ADAMTS18: variants seen among roughly 807,000 people sequenced by gnomAD.
ADAMTS18 encodes A disintegrin and metalloproteinase with thrombospondin motifs 18.
ADAMTS18 carries 157 observed loss-of-function variants against 165.9 expected under a neutral mutation model. That is an observed-to-expected ratio of 0.95 (90% CI 0.83 to 1.08). The LOEUF is 1.08. ADAMTS18 is among the 50% of genes least tolerant of loss of function. The pLI is 0.00. For synonymous variants in ADAMTS18, 782 were observed against 578.2 expected (o/e 1.35, Z -5.06); for missense variants, 2,040 against 1,534.0 (o/e 1.33, Z -5.51).
intron 3 of ADAMTS18, among the ~76,000 whole-genome samples, chr16:77,373,609 G>A (rs535010835): frequency 3.6e-4 from 55 of 152,086 alleles, no homozygotes; most frequent in African/African-American, 9.6e-4. Context: ...AATTGGGTGC[G>A]GTGTATACTG....
intron 16 of ADAMTS18, among the ~76,000 whole-genome samples, chr16:77,306,375 A>G (rs2055682070): frequency 6.6e-6 from 1 of 152,224 alleles, no homozygotes; most frequent in Non-Finnish European, 1.5e-5. Flanking sequence ...GAATCTACCA[A>G]CAACTCTCTG....
chr16:77,407,511 A>G (rs1029190714), intron 3 of ADAMTS18, among the ~76,000 whole-genome samples: 3 of 152,160 alleles, frequency 2.0e-5, no homozygotes, highest in South Asian at 4.1e-4. Context: ...AAAAGTACAA[A>G]GATGAGGGAC....
chr16:77,364,033 A>G, intron 5 of ADAMTS18, 148 bp from the exon 6 acceptor site: 1 of 1,290,144 alleles, frequency 7.8e-7, no homozygotes, highest in Non-Finnish European at 1.1e-6. Context: ...TCAACTTAAA[A>G]AAATAAAACC....
rs539470229 is a variant in ADAMTS18, at chr16:77,289,633, C to A, written c.3403-222G>T. Among the ~76,000 whole-genome samples the A allele has an allele frequency of 3.0e-4, 46 of 152,258 alleles. No individual in the cohort carries two copies. The South Asian group carries it at 9.3e-3, about 31-fold the overall frequency. Reference sequence around the variant, plus strand: ...TTTAGGCAAATGCTATCTATCTAGCCCAAGAGTGTGTGTCTCCCAGTTAAG... The same window carrying A: ...TTTAGGCAAATGCTATCTATCTAGCACAAGAGTGTGTGTCTCCCAGTTAAG... On this transcript the variant is annotated intron_variant, in intron 21 of 22. Transcript: ENST00000282849.
intron 3 of ADAMTS18, among the ~76,000 whole-genome samples, chr16:77,377,108 T>G (rs6564437): frequency 6.6e-6 from 1 of 151,956 alleles, no homozygotes; most frequent in African/African-American, 2.4e-5. Context: ...AGCCACCTCA[T>G]CCGGCCTCAA....
chr16:77,385,294 G>A lies in ADAMTS18; in HGVS notation c.496-17571C>T, dbSNP rs145495928. On this transcript the variant is annotated intron_variant, in intron 3 of 22. Transcript: ENST00000282849. ...CTATTTAAATTATCATTATCCAAATGTATTTGGTTTCTAAGTTTGGATAGT... is the reference window on the plus strand; with the variant it reads ...CTATTTAAATTATCATTATCCAAATATATTTGGTTTCTAAGTTTGGATAGT... Among the ~76,000 whole-genome samples the A allele has an allele frequency of 2.0e-3, 303 of 152,264 alleles. 2 individuals are homozygous for A. Among genetic ancestry groups the A allele is most frequent in the African/African-American group, 6.1e-3 (252 of 41,554 alleles).
chr16:77,338,444 C>T (rs1192576352), intron 11 of ADAMTS18, among the ~76,000 whole-genome samples: 1 of 151,746 alleles, frequency 6.6e-6, no homozygotes, highest in Non-Finnish European at 1.5e-5. Context: ...ACCATGTTGA[C>T]CAGTGTAGTC....
At chr16:77,358,073 C>T (rs551607463) in intron 8 of ADAMTS18, among the ~76,000 whole-genome samples, 5 of 152,274 alleles carry the variant, frequency 3.3e-5, no homozygotes, top group African/African-American at 1.2e-4. Flanking sequence ...ATTTTGTTTC[C>T]TGCTTTGTAT....
intron 12 of ADAMTS18, among the ~76,000 whole-genome samples, chr16:77,332,203 C>A (rs147069613): frequency 6.6e-6 from 1 of 152,156 alleles, no homozygotes; most frequent in Admixed American, 6.5e-5. Context: ...ATGTTCTCAT[C>A]CTCTGCACTA....
At chr16:77,300,673 C>A (rs927423325) in intron 16 of ADAMTS18, among the ~76,000 whole-genome samples, 1 of 151,978 alleles carries the variant, frequency 6.6e-6, no homozygotes, top group Non-Finnish European at 1.5e-5. Flanking sequence ...AACGTATACA[C>A]AAACACATAC....
chr16:77,419,471 C>T (rs1007688790), intron 3 of ADAMTS18, among the ~76,000 whole-genome samples: 1 of 152,192 alleles, frequency 6.6e-6, no homozygotes, highest in South Asian at 2.1e-4. Context: ...GAGAATTTCT[C>T]ATATGCTAAA....
chr16:77,362,524 T>C (rs140402685), intron 6 of ADAMTS18, among the ~76,000 whole-genome samples: 2 of 152,320 alleles, frequency 1.3e-5, no homozygotes, highest in Non-Finnish European at 2.9e-5. Flanking sequence ...TAGAACACCT[T>C]TGTTCATCTT....
intron 3 of ADAMTS18, among the ~76,000 whole-genome samples, chr16:77,402,526 C>T (rs1022065594): frequency 6.6e-5 from 10 of 152,122 alleles, no homozygotes; most frequent in Admixed American, 5.9e-4. Context: ...TACTTGTAAG[C>T]GGTGGCCGAG....
At chr16:77,320,163 C>T (rs775285689) in intron 15 of ADAMTS18, 70 bp from the exon 16 acceptor site, 32 of 1,582,460 alleles carry the variant, frequency 2.0e-5, no homozygotes, top group South Asian at 6.7e-5. Flanking sequence ...AGAAATGGCC[C>T]GACATGTAGT....
At chr16:77,299,512 G>A (rs894280696) in intron 17 of ADAMTS18, among the ~76,000 whole-genome samples, 1 of 152,038 alleles carries the variant, frequency 6.6e-6, no homozygotes, top group East Asian at 1.9e-4. Context: ...ATGCTTAGTG[G>A]GATGGAACCA....
intron 3 of ADAMTS18, among the ~76,000 whole-genome samples, chr16:77,419,850 A>T (rs1472481515): frequency 6.6e-6 from 1 of 151,742 alleles, no homozygotes; most frequent in East Asian, 1.9e-4. Context: ...AATAGAAAAA[A>T]TTAGCTGGGT....
chr16:77,284,921 T>G (rs930103476), intron 22 of ADAMTS18, among the ~76,000 whole-genome samples: 9 of 150,346 alleles, frequency 6.0e-5, no homozygotes, highest in Non-Finnish European at 8.9e-5. Context: ...TGCAAATGGG[T>G]TGAGATTAAC....
intron 10 of ADAMTS18, 117 bp downstream of exon 10, chr16:77,353,616 T>A: frequency 7.3e-7 from 1 of 1,376,866 alleles, no homozygotes; most frequent in South Asian, 1.2e-5. Context: ...ACTGACACGG[T>A]AGAGATAACC....
At chr16:77,334,881 ATAT>A (rs1057502745) in intron 12 of ADAMTS18, among the ~76,000 whole-genome samples, 37 of 135,122 alleles carry the variant, frequency 2.7e-4, no homozygotes, top group Admixed American at 7.8e-4. Context: ...TATGCACTAT[ATAT>A]TATAATATAC....
Sources: allele counts gnomAD v4.1 joint callset (sites outside exome capture counted in the v4.1 genomes callset), GRCh38; gene constraint gnomAD v4.1.1; transcripts MANE v1.5; gene names NCBI Gene and HGNC (gene_info 2026-07-23, HGNC 2026-07-21).